Variants in ATP2B1 observed in about 807,000 individuals in gnomAD.
ATP2B1 encodes plasma membrane calcium-transporting ATPase 1.
A neutral mutation model predicts 124.2 loss-of-function variants in ATP2B1; 14 were observed. That is an observed-to-expected ratio of 0.11 (90% CI 0.07 to 0.18). The LOEUF (loss-of-function observed/expected upper bound fraction) is 0.18. Among genes scored for constraint, ATP2B1 ranks in the 10% least tolerant of loss-of-function variants. ATP2B1 has a pLI of 1.00. For missense variants in ATP2B1, 763 were observed against 1,466.1 expected, an observed-to-expected ratio of 0.52 and a Z score of 7.83; for synonymous variants, 449 against 492.4, an observed-to-expected ratio of 0.91 and a Z score of 1.17.
intron 1 of ATP2B1, among the ~76,000 whole-genome samples, chr12:89,693,142 G>A (rs1490722259): frequency 1.3e-5 from 2 of 152,126 alleles, no homozygotes; most frequent in Non-Finnish European, 1.5e-5. Context: ...CACAGACAAG[G>A]AAATGACTGT....
intron 2 of ATP2B1, among the ~76,000 whole-genome samples, chr12:89,654,104 C>T (rs1045711996): frequency 2.0e-5 from 3 of 152,140 alleles, no homozygotes; most frequent in Non-Finnish European, 4.4e-5. Flanking sequence ...GAATAGCATA[C>T]TAATGTACAA....
In ATP2B1 at chr12:89,655,719, GACATCTC is replaced by G; in HGVS notation, c.161_167del (p.Gly54AlafsTer8). Reference sequence around the variant, plus strand: ...TTTTCAATTTGGTGCAAATTCCATAGACATCTCCATAGCTTTCCTGTATTTTTCGTAA... The same window carrying G: ...TTTTCAATTTGGTGCAAATTCCATAGCATAGCTTTCCTGTATTTTTCGTAA... On this transcript the variant is annotated frameshift_variant, in exon 2 of 21. Coordinates refer to ENST00000428670, the MANE Select transcript of ATP2B1 (RefSeq NM_001366521.1). LOFTEE classifies it high-confidence loss of function. 1 of 1,614,080 alleles carries G rather than the reference GACATCTC, an allele frequency of 6.2e-7. No individual in the cohort carries two copies. Among genetic ancestry groups the G allele is most frequent in the Non-Finnish European group, 8.5e-7 (1 of 1,179,982 alleles).
intron 7 of ATP2B1, among the ~76,000 whole-genome samples, chr12:89,627,008 TTAAA>T (rs1184809638): frequency 6.6e-6 from 1 of 152,208 alleles, no homozygotes; most frequent in African/African-American, 2.4e-5. Flanking sequence ...TATATGACTC[TTAAA>T]TAAATGCAGT....
chr12:89,607,907 C>T (rs1877236681), intron 15 of ATP2B1, among the ~76,000 whole-genome samples: 1 of 152,064 alleles, frequency 6.6e-6, no homozygotes, highest in East Asian at 1.9e-4. Context: ...GCCAAATGTA[C>T]AAGCAGAACA....
intron 1 of ATP2B1, among the ~76,000 whole-genome samples, chr12:89,672,864 G>A (rs1888163826): frequency 6.6e-6 from 1 of 152,178 alleles, no homozygotes; most frequent in South Asian, 2.1e-4. Flanking sequence ...TACACTTGAG[G>A]TACTGAAATA....
At chr12:89,682,124 A>C (rs1889431890) in intron 1 of ATP2B1, among the ~76,000 whole-genome samples, 1 of 152,134 alleles carries the variant, frequency 6.6e-6, no homozygotes, top group African/African-American at 2.4e-5. Context: ...AGAAAACTCC[A>C]CCACGATAGC....
At chr12:89,609,491 C>A in intron 15 of ATP2B1, among the ~76,000 whole-genome samples, 1 of 151,396 alleles carries the variant, frequency 6.6e-6, no homozygotes. Flanking sequence ...GGATTTTTTT[C>A]AATAAAAAAA....
At chr12:89,622,072 A>C (rs1379757495) in intron 9 of ATP2B1, among the ~76,000 whole-genome samples, 2 of 152,150 alleles carry the variant, frequency 1.3e-5, no homozygotes, top group East Asian at 3.9e-4. Flanking sequence ...TCCGTACACA[A>C]ATAATACTGA....
intron 20 of ATP2B1, chr12:89,598,805 G>C: frequency 6.3e-7 from 1 of 1,583,100 alleles, no homozygotes; most frequent in Non-Finnish European, 8.6e-7. Flanking sequence ...CAAGAGAAAG[G>C]ACCATTCCAT....
intron 1 of ATP2B1, among the ~76,000 whole-genome samples, chr12:89,678,350 G>A (rs1202527723): frequency 2.0e-5 from 3 of 152,088 alleles, no homozygotes; most frequent in Non-Finnish European, 1.5e-5. Context: ...GGTGTAGAGA[G>A]AACCTGTCAG....
chr12:89,660,177 G>T (rs550662548), intron 1 of ATP2B1, among the ~76,000 whole-genome samples: 1 of 151,962 alleles, frequency 6.6e-6, no homozygotes, highest in African/African-American at 2.4e-5. Flanking sequence ...TTTTCTTAAC[G>T]CACTGTTGGG....
intron 1 of ATP2B1, among the ~76,000 whole-genome samples, chr12:89,658,650 A>C (rs1886303775): frequency 5.4e-5 from 6 of 111,518 alleles, no homozygotes; most frequent in African/African-American, 1.9e-4. Flanking sequence ...AGAGAGAGAT[A>C]GAGATAGCAT....
intron 1 of ATP2B1, among the ~76,000 whole-genome samples, chr12:89,689,977 A>G (rs1034033150): frequency 2.6e-5 from 4 of 152,128 alleles, no homozygotes; most frequent in African/African-American, 9.7e-5. Flanking sequence ...ATAAATTCCT[A>G]TCAATTGCTT....
Position 89,619,007 on chromosome 12 carries a change from CTTT to C in ATP2B1, c.1829+989_1829+991del, listed in dbSNP as rs561533857. 4.4e-3 allele frequency among the ~76,000 whole-genome samples: 663 copies of C among 151,974 alleles called. 2 individuals carry two copies. The highest frequency in any genetic ancestry group is 7.6e-3 in the Non-Finnish European group (514 of 67,980). Reference sequence around the variant, plus strand: ...TTTTTTTTTAACCAGTTCTCTACTTCTTTAATGAAATTAAAGAAACTAAAATAA... The same window carrying C: ...TTTTTTTTTAACCAGTTCTCTACTTCAATGAAATTAAAGAAACTAAAATAA... On this transcript the variant is annotated intron_variant, in intron 11 of 20. Transcript: ENST00000428670.
chr12:89,603,106 T>A lies in ATP2B1; in HGVS notation c.2997A>T (p.Val999=). The part of the protein sequence containing the change: ...NARKIHGERN[V]FEGIFNNAIF... ...TGGCATTGTTAAAGATTCCTTCGAATACATTTCTTTCACCATGAATTTTCC... is the reference window on the plus strand; with the variant it reads ...TGGCATTGTTAAAGATTCCTTCGAAAACATTTCTTTCACCATGAATTTTCC... Residue 999 remains valine, a synonymous_variant, in exon 18 of 21, where the codon GTA becomes GTT. Transcript: ENST00000428670. This position sits in a 1 kb window ranked among gnomAD's most constrained non-coding sequence, Gnocchi z 4.3. 2 of 1,614,012 alleles carry A rather than the reference T, an allele frequency of 1.2e-6. No homozygotes were observed. Among genetic ancestry groups the A allele is most frequent in the Non-Finnish European group, 1.7e-6 (2 of 1,179,924 alleles).
At chr12:89,691,744 T>C (rs1256297009) in intron 1 of ATP2B1, among the ~76,000 whole-genome samples, 2 of 152,160 alleles carry the variant, frequency 1.3e-5, no homozygotes, top group African/African-American at 2.4e-5. Flanking sequence ...AATCATTCTT[T>C]CCACTTCCCA....
chr12:89,591,394 T>A, intron 20 of ATP2B1, 99 bp from the exon 21 acceptor site: 1 of 1,038,294 alleles, frequency 9.6e-7, no homozygotes, highest in Non-Finnish European at 1.4e-6. Flanking sequence ...TAGGTATGAG[T>A]GAATCATATT....
intron 11 of ATP2B1, among the ~76,000 whole-genome samples, 154 bp downstream of exon 11, chr12:89,619,845 G>A (rs1879676686): frequency 6.6e-6 from 1 of 152,082 alleles, no homozygotes; most frequent in South Asian, 2.1e-4. Flanking sequence ...AATAGCAGGG[G>A]CAAATATCTG....
At chr12:89,707,995 G>T (rs1328122559) in intron 1 of ATP2B1, among the ~76,000 whole-genome samples, 1 of 152,216 alleles carries the variant, frequency 6.6e-6, no homozygotes, top group Non-Finnish European at 1.5e-5. Flanking sequence ...ATCCTGGGGG[G>T]CCAGACGGAA....
Sources: allele counts gnomAD v4.1 joint callset (sites outside exome capture counted in the v4.1 genomes callset), GRCh38; gene constraint gnomAD v4.1.1; non-coding constraint Gnocchi (gnomAD v3.1); transcripts MANE v1.5; gene names NCBI Gene and HGNC (gene_info 2026-07-23, HGNC 2026-07-21).